RNGTT: variants seen among roughly 807,000 people sequenced by gnomAD.
The protein encoded by RNGTT is mRNA-capping enzyme.
In RNGTT, 33 loss-of-function variants were observed where a neutral mutation model predicts 79.3. The ratio of observed to expected loss-of-function variants is 0.42; its 90% CI spans 0.32 to 0.56. The LOEUF (loss-of-function observed/expected upper bound fraction) is 0.56. Ranked by LOEUF, RNGTT falls within the 20% of genes least tolerant of loss-of-function variation. The probability of loss-of-function intolerance (pLI) is 0.17; values close to 1 mark genes in which losing one functional copy is unlikely to be tolerated. For synonymous variants in RNGTT, 222 were observed against 235.9 expected (o/e 0.94, Z 0.54); for missense variants, 497 against 739.1 (o/e 0.67, Z 3.80).
intron 14 of RNGTT, among the ~76,000 whole-genome samples, chr6:88,657,928 C>A (rs2127780629): frequency 6.6e-6 from 1 of 152,288 alleles, no homozygotes; most frequent in South Asian, 2.1e-4. Context: ...AGTCTGAGCT[C>A]AGATCTGCCC....
intron 13 of RNGTT, among the ~76,000 whole-genome samples, chr6:88,718,399 A>T (rs1776594971): frequency 6.6e-6 from 1 of 152,012 alleles, no homozygotes; most frequent in Admixed American, 6.5e-5. Flanking sequence ...AAAAAAAAAA[A>T]AAGAAAGGAA....
chr6:88,748,346 A>G (rs1196542711), intron 13 of RNGTT, among the ~76,000 whole-genome samples: 3 of 151,950 alleles, frequency 2.0e-5, no homozygotes, highest in Non-Finnish European at 2.9e-5. Context: ...CTTGCCACAC[A>G]GGCTCCAAGG....
intron 13 of RNGTT, among the ~76,000 whole-genome samples, chr6:88,683,471 A>G (rs762096570): frequency 9.9e-5 from 15 of 152,216 alleles, no homozygotes; most frequent in Non-Finnish European, 1.9e-4. Flanking sequence ...CAAAAGGTCT[A>G]GCAAATTCAC....
At chr6:88,745,016 A>C (rs1316352562) in intron 13 of RNGTT, among the ~76,000 whole-genome samples, 1 of 152,222 alleles carries the variant, frequency 6.6e-6, no homozygotes, top group African/African-American at 2.4e-5. Context: ...GAAATAAAAA[A>C]TTACCATAAG....
chr6:88,619,085 G>A (rs1020112159), intron 14 of RNGTT, among the ~76,000 whole-genome samples: 1 of 151,870 alleles, frequency 6.6e-6, no homozygotes, highest in African/African-American at 2.4e-5. Context: ...TCTAGTTTTG[G>A]CCACTGAAAA....
chr6:88,919,495 G>A (rs1784097538), intron 4 of RNGTT, among the ~76,000 whole-genome samples: 1 of 151,988 alleles, frequency 6.6e-6, no homozygotes, highest in Admixed American at 6.6e-5. Flanking sequence ...ACACTATTTT[G>A]GAGGGTGTGG....
rs542428954 is a variant in RNGTT at position 88,745,895 on chromosome 6, G to C, written c.1439+23879C>G. Among the ~76,000 whole-genome samples, 3 of 152,086 alleles carry C rather than the reference G, an allele frequency of 2.0e-5. No homozygotes were observed. In the South Asian group the frequency reaches 6.2e-4, roughly 32 times the overall value. ...TAATTGTGGAAGTTATCAATTTACT[G>C]CCTCTTATTTCCAAAGCTACCCTCT... is the stretch of plus-strand genomic sequence containing the variant. On this transcript the variant is annotated intron_variant, in intron 13 of 15. Transcript: ENST00000369485.
chr6:88,617,095 C>A (rs542877773), intron 14 of RNGTT, among the ~76,000 whole-genome samples: 2 of 152,206 alleles, frequency 1.3e-5, no homozygotes, highest in Admixed American at 1.3e-4. Context: ...CAGTGAAACC[C>A]TGTCTCTACT....
intron 8 of RNGTT, among the ~76,000 whole-genome samples, chr6:88,887,988 A>G (rs556784971): frequency 1.4e-4 from 22 of 151,978 alleles, no homozygotes; most frequent in African/African-American, 4.8e-4. Flanking sequence ...ATAGTGGTGC[A>G]TGTCTGTAAT....
chr6:88,661,498 T>C (rs1273847594), intron 14 of RNGTT, among the ~76,000 whole-genome samples: 4 of 151,996 alleles, frequency 2.6e-5, no homozygotes, highest in African/African-American at 4.8e-5. Flanking sequence ...ATACTACAAC[T>C]GATACCACAG....
intron 13 of RNGTT, among the ~76,000 whole-genome samples, chr6:88,694,545 T>C (rs9451053): frequency 0.15 from 22,515 of 151,800 alleles, 5,544 homozygotes; most frequent in African/African-American, 0.51. Flanking sequence ...TTCAATACAA[T>C]CCCTATCGAA....
chr6:88,868,543 T>C (rs985380495), intron 8 of RNGTT, among the ~76,000 whole-genome samples: 1 of 152,130 alleles, frequency 6.6e-6, no homozygotes, highest in Admixed American at 6.6e-5. Flanking sequence ...CCCTCACCCC[T>C]GTTACTCATC....
At chr6:88,916,430 G>A (rs1006642630) in intron 4 of RNGTT, among the ~76,000 whole-genome samples, 5 of 152,136 alleles carry the variant, frequency 3.3e-5, no homozygotes, top group African/African-American at 7.2e-5. Flanking sequence ...CTGTGATGGC[G>A]TCACTACATT....
chr6:88,664,432 G>A (rs143771490), intron 14 of RNGTT, among the ~76,000 whole-genome samples: 7 of 152,256 alleles, frequency 4.6e-5, no homozygotes, highest in African/African-American at 9.6e-5. Flanking sequence ...GTATGAATAC[G>A]TCGCCAATTA....
intron 12 of RNGTT, among the ~76,000 whole-genome samples, chr6:88,771,235 T>G (rs912341651): frequency 6.7e-6 from 1 of 149,224 alleles, no homozygotes; most frequent in Non-Finnish European, 1.5e-5. Context: ...TCAGCTGTTA[T>G]TTTTAGGTAT....
intron 13 of RNGTT, among the ~76,000 whole-genome samples, chr6:88,760,848 T>C (rs1315970890): frequency 2.0e-5 from 3 of 151,282 alleles, no homozygotes; most frequent in Admixed American, 6.6e-5. Flanking sequence ...AGAGTAACAC[T>C]AATTCAAATA....
chr6:88,848,965 A>G (rs1303071142), intron 10 of RNGTT, among the ~76,000 whole-genome samples: 9 of 151,866 alleles, frequency 5.9e-5, no homozygotes, highest in Non-Finnish European at 1.3e-4. Flanking sequence ...ACTGCTATCT[A>G]AGAGACAGTA....
intron 9 of RNGTT, among the ~76,000 whole-genome samples, chr6:88,851,079 G>T (rs1024872689): frequency 6.6e-6 from 1 of 151,650 alleles, no homozygotes; most frequent in African/African-American, 2.4e-5. Flanking sequence ...GAATTAGATA[G>T]TGGTCTTGAT....
chr6:88,649,017 C>T (rs1773692597), intron 14 of RNGTT, among the ~76,000 whole-genome samples: 1 of 152,134 alleles, frequency 6.6e-6, no homozygotes, highest in Admixed American at 6.5e-5. Flanking sequence ...TTAAGCAAAG[C>T]AATGTACAGC....
Sources: gnomAD v4.1 joint callset for allele counts (sites outside exome capture counted in the v4.1 genomes callset) on GRCh38, gnomAD v4.1.1 for gene constraint, MANE v1.5 for transcripts, NCBI Gene and HGNC (gene_info 2026-07-23, HGNC 2026-07-21) for gene names.